The following TOGARAM1 variants were observed in gnomAD, a reference collection of about 807,000 sequenced individuals.
TOGARAM1 encodes the protein TOG array regulator of axonemal microtubules protein 1.
Under a neutral mutation model 166.6 loss-of-function variants are expected in TOGARAM1, and 100 were observed. The ratio of observed to expected loss-of-function variants is 0.60; its 90% CI spans 0.51 to 0.71. TOGARAM1 has a LOEUF of 0.71. Among genes scored for constraint, TOGARAM1 ranks in the 30% least tolerant of loss-of-function variants. The probability of loss-of-function intolerance (pLI) is 0.00; values close to 1 mark genes in which losing one functional copy is unlikely to be tolerated. For missense variants in TOGARAM1, 2,029 were observed against 2,102.7 expected, an observed-to-expected ratio of 0.96 and a Z score of 0.69; for synonymous variants, 758 against 763.8, an observed-to-expected ratio of 0.99 and a Z score of 0.13.
At chr14:45,070,879 T>G (rs1461039717) in intron 18 of TOGARAM1, among the ~76,000 whole-genome samples, 1 of 152,154 alleles carries the variant, frequency 6.6e-6, no homozygotes, top group Non-Finnish European at 1.5e-5. Flanking sequence ...AAGAAAAAAA[T>G]TCAGTAAATG....
intron 16 of TOGARAM1, among the ~76,000 whole-genome samples, chr14:45,063,990 C>T (rs369678267): frequency 2.0e-5 from 3 of 152,168 alleles, no homozygotes; most frequent in African/African-American, 7.2e-5. Flanking sequence ...AGTCTTTGGA[C>T]TTCCTTTAGC....
chr14:44,968,485 T>A (rs1885686498), intron 1 of TOGARAM1, among the ~76,000 whole-genome samples: 1 of 152,218 alleles, frequency 6.6e-6, no homozygotes, highest in Non-Finnish European at 1.5e-5. Flanking sequence ...CCTGACCTCG[T>A]GATCTGCCCG....
chr14:45,001,744 C>T (rs1253220107), intron 3 of TOGARAM1, among the ~76,000 whole-genome samples: 1 of 152,024 alleles, frequency 6.6e-6, no homozygotes, highest in Non-Finnish European at 1.5e-5. Flanking sequence ...TAGCAGATGA[C>T]AATTATTTTC....
chr14:45,071,674 ACT>A, intron 18 of TOGARAM1, 36 bp from the exon 19 acceptor site: 1 of 1,422,700 alleles, frequency 7.0e-7, no homozygotes, highest in Non-Finnish European at 9.8e-7. Context: ...AGAGCTCATT[ACT>A]CTTTAAACAT....
At chr14:44,999,863 T>C (rs1236057045) in intron 3 of TOGARAM1, among the ~76,000 whole-genome samples, 8 of 152,254 alleles carry the variant, frequency 5.3e-5, no homozygotes, top group Non-Finnish European at 8.8e-5. Flanking sequence ...TTGTCATTTC[T>C]TTGTGTTGGG....
intron 1 of TOGARAM1, among the ~76,000 whole-genome samples, chr14:44,980,888 CA>C (rs1453502673): frequency 2.0e-5 from 3 of 152,036 alleles, no homozygotes; most frequent in Non-Finnish European, 2.9e-5. Flanking sequence ...ACAAAAGCAG[CA>C]ATGTGTAGTT....
chr14:45,038,980 G>A (rs1271696904), intron 11 of TOGARAM1, among the ~76,000 whole-genome samples: 1 of 152,154 alleles, frequency 6.6e-6, no homozygotes, highest in Non-Finnish European at 1.5e-5. Flanking sequence ...CAGTGGAGGG[G>A]AGACCCAGAG....
intron 16 of TOGARAM1, among the ~76,000 whole-genome samples, chr14:45,058,157 T>C (rs555067539): frequency 7.9e-5 from 12 of 152,320 alleles, no homozygotes; most frequent in South Asian, 2.1e-4. Flanking sequence ...GGGATTGTTA[T>C]AGCTTCTTGC....
intron 1 of TOGARAM1, among the ~76,000 whole-genome samples, chr14:44,973,241 CT>C (rs143015273): frequency 1.3e-5 from 2 of 150,862 alleles, no homozygotes; most frequent in African/African-American, 2.4e-5. Context: ...GCTGCTGCTC[CT>C]TTTTTTTTAA....
intron 10 of TOGARAM1, among the ~76,000 whole-genome samples, chr14:45,029,811 G>C (rs886459624): frequency 1.3e-5 from 2 of 152,046 alleles, no homozygotes; most frequent in Non-Finnish European, 2.9e-5. Context: ...CATAGTGGAA[G>C]TTTTGTTGTT....
chr14:45,055,404 A>T (rs1566668370), intron 16 of TOGARAM1, among the ~76,000 whole-genome samples: 1 of 152,138 alleles, frequency 6.6e-6, no homozygotes, highest in East Asian at 1.9e-4. Context: ...CCATTAATGT[A>T]TGTATCTGTT....
chr14:45,058,158 A>G (rs1365983484), intron 16 of TOGARAM1, among the ~76,000 whole-genome samples: 2 of 151,798 alleles, frequency 1.3e-5, no homozygotes, highest in African/African-American at 4.8e-5. Context: ...GGATTGTTAT[A>G]GCTTCTTGCT....
At position 44,994,980 on chromosome 14, in the gene TOGARAM1, A is replaced by G. The variant is rs143820570; in HGVS notation, c.2047-766A>G. Reference sequence around the variant, plus strand: ...AGGAAGCATAATTTCCTGTCAATGCATTCAGTTTTTTTAAAGTTTTATAGT... The same window carrying G: ...AGGAAGCATAATTTCCTGTCAATGCGTTCAGTTTTTTTAAAGTTTTATAGT... On this transcript the variant is annotated intron_variant, in intron 1 of 19. Transcript: ENST00000361462. Among the ~76,000 whole-genome samples, 103 of 152,284 alleles carry G rather than the reference A, an allele frequency of 6.8e-4. 1 individual carries two copies. The highest frequency in any genetic ancestry group is 2.2e-3 in the African/African-American group (92 of 41,552).
chr14:45,065,958 G>C (rs1249778132), intron 16 of TOGARAM1, among the ~76,000 whole-genome samples: 2 of 152,172 alleles, frequency 1.3e-5, no homozygotes, highest in Non-Finnish European at 2.9e-5. Context: ...TCGCTGACAT[G>C]GGAAACTAGG....
Position 44,963,167 on chromosome 14 carries a change from T to A in TOGARAM1, c.746T>A (p.Leu249His). 1 of 1,614,212 alleles carries A rather than the reference T, an allele frequency of 6.2e-7. No homozygotes were observed. Among genetic ancestry groups the A allele is most frequent in the Non-Finnish European group, 8.5e-7 (1 of 1,180,034 alleles). The change falls in exon 1 of 20, where the codon CTT (leucine) becomes CAT (histidine). Residue 249 changes from leucine (L) to histidine (H), a missense_variant. Around this residue, in one of 2 missense-constraint regions of TOGARAM1, gnomAD observed 1,453 missense variants for 1,432.2 expected, o/e 1.01. Coordinates refer to ENST00000361462, the MANE Select transcript of TOGARAM1 (RefSeq NM_001308120.2). ...TTGCTTACTACTGAGGACTTGTTGC[T>A]TGGTCTGGATCTCACCGAGGTGATA... is the stretch of plus-strand genomic sequence containing the variant. Reference protein sequence around the residue: ...PILLTTEDLLLGLDLTEVIIS... With the variant: ...PILLTTEDLLHGLDLTEVIIS...
intron 7 of TOGARAM1, among the ~76,000 whole-genome samples, chr14:45,025,126 A>G (rs1338971530): frequency 6.6e-6 from 1 of 152,230 alleles, no homozygotes; most frequent in Non-Finnish European, 1.5e-5. Context: ...TAACCTAGAA[A>G]AGCACAGATT....
chr14:45,053,468 GTTTAA>G (rs1243982577), intron 15 of TOGARAM1, among the ~76,000 whole-genome samples: 7 of 152,012 alleles, frequency 4.6e-5, no homozygotes, highest in African/African-American at 1.4e-4. Flanking sequence ...TTAAAAATAT[GTTTAA>G]TTTAATAAAG....
intron 4 of TOGARAM1, among the ~76,000 whole-genome samples, chr14:45,005,251 C>A (rs1887898660): frequency 6.6e-6 from 1 of 152,034 alleles, no homozygotes; most frequent in South Asian, 2.1e-4. Flanking sequence ...CTAAAATATT[C>A]TTTTCTTAAC....
intron 12 of TOGARAM1, among the ~76,000 whole-genome samples, chr14:45,044,392 T>G (rs1432985670): frequency 1.3e-5 from 2 of 151,772 alleles, no homozygotes; most frequent in Non-Finnish European, 2.9e-5. Flanking sequence ...AATACAAAAA[T>G]TAGCCAGGCA....
Sources: allele counts gnomAD v4.1 joint callset (sites outside exome capture counted in the v4.1 genomes callset), GRCh38; gene constraint gnomAD v4.1.1; regional missense constraint gnomAD v4.1.1; transcripts MANE v1.5; gene names NCBI Gene and HGNC (gene_info 2026-07-23, HGNC 2026-07-21).